The following LAMA3 variants were observed in gnomAD, a reference collection of about 807,000 sequenced individuals.
LAMA3 encodes the protein laminin subunit alpha-3.
LAMA3 carries 281 observed loss-of-function variants against 402.0 expected under a neutral mutation model. The observed-to-expected ratio is 0.70, with a 90% CI of 0.63 to 0.77. The LOEUF (loss-of-function observed/expected upper bound fraction) is 0.77, where lower values mean the gene tolerates loss of function less well. Among genes scored for constraint, LAMA3 ranks in the 30% least tolerant of loss-of-function variants. The pLI, the probability that LAMA3 is intolerant of heterozygous loss-of-function variation, is 0.00. For missense variants in LAMA3, 3,840 were observed against 4,215.5 expected (o/e 0.91, Z 2.47); for synonymous variants, 1,431 against 1,558.4 (o/e 0.92, Z 1.93).
chr18:23,813,057 G>A lies in LAMA3; in HGVS notation c.1742G>A (p.Gly581Asp), dbSNP rs1311631219. 6.2e-7 allele frequency: 1 copy of A among 1,604,178 alleles called. No homozygotes were observed. The highest frequency in any genetic ancestry group is 1.7e-5 in the Admixed American group (1 of 60,008). The change falls in exon 14 of 75, where the codon GGT (glycine) becomes GAT (aspartate). Residue 581 changes from glycine to aspartate, a missense_variant and splice_region_variant. Coordinates refer to ENST00000313654, the MANE Select transcript of LAMA3 (RefSeq NM_198129.4). Reference sequence around the variant, plus strand: ...TTAAAAATTTCTGAATCATATTCAGGTTCCAGCAGTGCTTGTGACCCAGCT... The same window carrying A: ...TTAAAAATTTCTGAATCATATTCAGATTCCAGCAGTGCTTGTGACCCAGCT... ...SGAYDFPHCQ[G>D]SSSACDPAGT...
rs139287035 is a variant in LAMA3 at position 23,932,715 on chromosome 18, G to C, written c.8708+424G>C. ...TGTTGAACGTGATATTTAATAGAGA[G>C]AGAGTAGCTCTTGGGGCTTCCATGC... On this transcript the variant is annotated intron_variant, in intron 66 of 74. Coordinates refer to ENST00000313654, the MANE Select transcript of LAMA3 (RefSeq NM_198129.4). 1,010 of 174,516 alleles carry C rather than the reference G, an allele frequency of 5.8e-3. 7 individuals are homozygous for C. Among genetic ancestry groups the C allele is most frequent in the African/African-American group, 0.023 (957 of 41,968 alleles). The allele number at this position is 174,516 out of a possible 1,614,324, so 10.8% of individuals were successfully genotyped here.
intron 40 of LAMA3, among the ~76,000 whole-genome samples, chr18:23,882,778 G>A (rs1237913710): frequency 6.6e-6 from 1 of 152,224 alleles, no homozygotes; most frequent in Non-Finnish European, 1.5e-5. Context: ...TGAGGAAGCT[G>A]AAGGAAGAAG....
intron 2 of LAMA3, among the ~76,000 whole-genome samples, chr18:23,734,021 C>T (rs1047300852): frequency 1.3e-5 from 2 of 152,226 alleles, no homozygotes; most frequent in African/African-American, 4.8e-5. Context: ...TTCCCTGCAT[C>T]AGGGATTCAC....
chr18:23,894,872 C>A (rs200674615), intron 43 of LAMA3, 35 bp from the exon 44 acceptor site: 228 of 1,614,018 alleles, frequency 1.4e-4, no homozygotes, highest in Middle Eastern at 1.7e-4. Context: ...CGGCTCCCCC[C>A]ACAGCACATT....
chr18:23,773,024 A>G (rs1172334230), intron 8 of LAMA3, among the ~76,000 whole-genome samples: 2 of 152,254 alleles, frequency 1.3e-5, no homozygotes, highest in African/African-American at 4.8e-5. Context: ...TGACTAAAGC[A>G]CAGATAAAAT....
At position 23,928,749 on chromosome 18, in the gene LAMA3, T is replaced by G; in HGVS notation, c.8420T>G (p.Leu2807Ter). The G allele has an allele frequency of 1.2e-6, 2 of 1,614,014 alleles. No homozygotes were observed. The highest frequency in any genetic ancestry group is 1.7e-6 in the Non-Finnish European group (2 of 1,179,866). ...FQTFQPSGIL[L>*]DHQTWTRNLQ... ...ACCTTTCAACCCAGTGGCATATTAT[T>G]AGATCATCAGACATGGGTATGCAGT... is the stretch of plus-strand genomic sequence containing the variant. Residue 2807 changes from leucine (L) to a stop codon, truncating the protein, a stop_gained, in exon 64 of 75, where the codon TTA becomes TGA. Transcript: ENST00000313654. LOFTEE classifies it high-confidence loss of function.
intron 2 of LAMA3, among the ~76,000 whole-genome samples, chr18:23,728,804 G>T (rs1324208687): frequency 6.6e-6 from 1 of 152,102 alleles, no homozygotes; most frequent in Non-Finnish European, 1.5e-5. Context: ...GCCGAGGCAG[G>T]CGGGTCACCT....
At chr18:23,822,825 T>A (rs911720939) in intron 20 of LAMA3, among the ~76,000 whole-genome samples, 1 of 152,210 alleles carries the variant, frequency 6.6e-6, no homozygotes, top group African/African-American at 2.4e-5. Context: ...CTGTAAAGCA[T>A]GAAGCCCAAA....
In LAMA3 at chr18:23,827,472, G is replaced by A. The variant is rs759311541; in HGVS notation, c.2823+5G>A. ...GTGGACCTCAGCGGGAGAGAGGTGGGCCAGCCTTTTATTTATTATCAAAGT... is the reference window on the plus strand; with the variant it reads ...GTGGACCTCAGCGGGAGAGAGGTGGACCAGCCTTTTATTTATTATCAAAGT... On this transcript the variant is annotated splice_donor_5th_base_variant and intron_variant, in intron 23 of 74. Transcript: ENST00000313654. 51 of 1,613,696 alleles carry A rather than the reference G, an allele frequency of 3.2e-5. No individual in the cohort carries two copies. Among genetic ancestry groups the A allele is most frequent in the Non-Finnish European group, 3.6e-5 (43 of 1,179,990 alleles).
intron 34 of LAMA3, among the ~76,000 whole-genome samples, chr18:23,860,082 C>G (rs1249947690): frequency 6.6e-6 from 1 of 152,178 alleles, no homozygotes; most frequent in Non-Finnish European, 1.5e-5. Context: ...CAGGAAATTA[C>G]AAGGGTTTTA....
intron 6 of LAMA3, among the ~76,000 whole-genome samples, chr18:23,757,347 A>C (rs1171434675): frequency 2.0e-5 from 3 of 148,536 alleles, no homozygotes; most frequent in African/African-American, 7.5e-5. Flanking sequence ...AGCTCTTCCC[A>C]CTTCCCTCAG....
chr18:23,861,950 A>C, intron 35 of LAMA3, 143 bp downstream of exon 35: 2 of 926,932 alleles, frequency 2.2e-6, no homozygotes, highest in Non-Finnish European at 3.2e-6. Context: ...AAAAGTGAGG[A>C]AGAGACCCTG....
At chr18:23,789,188 T>C (rs1328850901) in intron 12 of LAMA3, among the ~76,000 whole-genome samples, 2 of 152,090 alleles carry the variant, frequency 1.3e-5, no homozygotes, top group Admixed American at 6.5e-5. Context: ...TTGGCAAGGA[T>C]GTAGAGAAAT....
intron 2 of LAMA3, among the ~76,000 whole-genome samples, chr18:23,740,622 C>T (rs1171009193): frequency 6.6e-6 from 1 of 152,084 alleles, no homozygotes; most frequent in Admixed American, 6.5e-5. Flanking sequence ...TTTAAAAGAA[C>T]CTAGGGAGAC....
intron 29 of LAMA3, among the ~76,000 whole-genome samples, chr18:23,843,805 C>T (rs2063756684): frequency 6.6e-6 from 1 of 152,202 alleles, no homozygotes; most frequent in Admixed American, 6.5e-5. Context: ...CCTCCCACAC[C>T]TCACGCTCTG....
At chr18:23,806,913 A>G (rs1444484564) in intron 12 of LAMA3, among the ~76,000 whole-genome samples, 1 of 152,240 alleles carries the variant, frequency 6.6e-6, no homozygotes, top group Non-Finnish European at 1.5e-5. Context: ...CAGCCCAATT[A>G]GGAGCAACCA....
intron 18 of LAMA3, 66 bp from the exon 19 acceptor site, chr18:23,819,775 T>C: frequency 1.5e-6 from 2 of 1,379,266 alleles, no homozygotes; most frequent in South Asian, 2.3e-5. Context: ...ACTATTGTGA[T>C]TAAAAGATGT....
rs1347802456 is a variant in LAMA3 at position 23,913,426 on chromosome 18, A to G, written c.7329+545A>G. 2.0e-5 allele frequency among the ~76,000 whole-genome samples: 3 copies of G among 152,314 alleles called. No homozygotes were observed. In the East Asian group the frequency reaches 5.8e-4, roughly 29 times the overall value. On this transcript the variant is annotated intron_variant, in intron 56 of 74. Transcript: ENST00000313654. ...CCTGTCTCTTTATCAGTGTAAATTC[A>G]TCACTACTACTACTATCAGTGTAAA...
At chr18:23,846,151 G>A (rs1213241533) in intron 30 of LAMA3, 146 bp from the exon 31 acceptor site, 1 of 838,446 alleles carries the variant, frequency 1.2e-6, no homozygotes, top group Non-Finnish European at 2.1e-6. Context: ...AGTCTGAGGT[G>A]GGGTATTTCC....
Sources: allele counts gnomAD v4.1 joint callset (sites outside exome capture counted in the v4.1 genomes callset), GRCh38; gene constraint gnomAD v4.1.1; transcripts MANE v1.5; gene names NCBI Gene and HGNC (gene_info 2026-07-23, HGNC 2026-07-21).